Variants in FMN1 observed in about 807,000 individuals in gnomAD.
The protein encoded by FMN1 is formin 1.
A neutral mutation model predicts 132.4 loss-of-function variants in FMN1; 110 were observed. That is an observed-to-expected ratio of 0.83 (90% CI 0.71 to 0.97). FMN1 has a LOEUF of 0.97. Ranked by LOEUF, FMN1 falls within the 50% of genes least tolerant of loss-of-function variation. The probability of loss-of-function intolerance (pLI) is 0.00; values close to 1 mark genes in which losing one functional copy is unlikely to be tolerated. For synonymous variants in FMN1, 722 were observed against 651.7 expected (o/e 1.11, Z -1.64); for missense variants, 1,792 against 1,705.3 (o/e 1.05, Z -0.90).
intron 7 of FMN1, among the ~76,000 whole-genome samples, chr15:33,007,691 G>A (rs2034490709): frequency 6.6e-6 from 1 of 151,760 alleles, no homozygotes; most frequent in Non-Finnish European, 1.5e-5. Context: ...AACTTCCATC[G>A]TACCTAGAAA....
intron 6 of FMN1, among the ~76,000 whole-genome samples, chr15:33,035,547 G>A (rs1197771987): frequency 6.6e-6 from 1 of 152,044 alleles, no homozygotes; most frequent in Non-Finnish European, 1.5e-5. Context: ...CTTTGCACTG[G>A]CTGTTCCCTT....
At chr15:33,097,190 G>A (rs2039117706) in intron 4 of FMN1, among the ~76,000 whole-genome samples, 1 of 151,972 alleles carries the variant, frequency 6.6e-6, no homozygotes, top group Non-Finnish European at 1.5e-5. Context: ...CCAGCTACTT[G>A]GGAGGCTGAG....
chr15:32,865,977 T>G (rs1290483814), intron 16 of FMN1, among the ~76,000 whole-genome samples: 1 of 152,150 alleles, frequency 6.6e-6, no homozygotes, highest in East Asian at 1.9e-4. Context: ...CATTCTTAAT[T>G]GTGGCATACA....
intron 15 of FMN1, among the ~76,000 whole-genome samples, chr15:32,891,093 C>T (rs2060016854): frequency 6.6e-6 from 1 of 152,162 alleles, no homozygotes; most frequent in African/African-American, 2.4e-5. Context: ...TTCCATTGGT[C>T]TATGTGCCTA....
intron 15 of FMN1, among the ~76,000 whole-genome samples, chr15:32,896,716 AC>A (rs2060167355): frequency 6.6e-6 from 1 of 152,122 alleles, no homozygotes. Flanking sequence ...TTCAAGGCTG[AC>A]CCCATGTTGC....
intron 4 of FMN1, among the ~76,000 whole-genome samples, chr15:33,101,160 C>T (rs1374507524): frequency 3.3e-5 from 5 of 152,018 alleles, no homozygotes; most frequent in South Asian, 2.1e-4. Context: ...AAGCCTTAAC[C>T]ACCAAAGGAT....
At chr15:32,907,398 T>G (rs776300461) in intron 12 of FMN1, among the ~76,000 whole-genome samples, 27 of 152,198 alleles carry the variant, frequency 1.8e-4, no homozygotes, top group African/African-American at 3.9e-4. Context: ...ACAATAGGGT[T>G]TGTGCTCCTA....
chr15:32,791,132 G>C (rs910225606), intron 19 of FMN1, among the ~76,000 whole-genome samples: 1 of 152,072 alleles, frequency 6.6e-6, no homozygotes, highest in African/African-American at 2.4e-5. Flanking sequence ...GGTCATAGTA[G>C]GTGCAGGGAG....
At chr15:32,866,911 C>T (rs991298650) in intron 16 of FMN1, among the ~76,000 whole-genome samples, 1 of 152,202 alleles carries the variant, frequency 6.6e-6, no homozygotes, top group African/African-American at 2.4e-5. Flanking sequence ...GTTTCCTATG[C>T]AGCCTCATCT....
intron 6 of FMN1, among the ~76,000 whole-genome samples, chr15:33,028,368 A>G (rs1233857591): frequency 2.6e-5 from 4 of 152,180 alleles, no homozygotes; most frequent in Non-Finnish European, 5.9e-5. Flanking sequence ...CCAAGTTGAT[A>G]AGGCCACAAA....
chr15:33,096,713 C>T (rs2039098732), intron 4 of FMN1, among the ~76,000 whole-genome samples: 1 of 151,944 alleles, frequency 6.6e-6, no homozygotes, highest in African/African-American at 2.4e-5. Flanking sequence ...GACAAGTGAT[C>T]TTCCCACCTC....
chr15:32,827,433 C>G (rs1028598994), intron 17 of FMN1, among the ~76,000 whole-genome samples: 1 of 152,186 alleles, frequency 6.6e-6, no homozygotes, highest in African/African-American at 2.4e-5. Flanking sequence ...TCTTGTCGTT[C>G]TAGATGAAAA....
intron 12 of FMN1, among the ~76,000 whole-genome samples, chr15:32,904,962 C>G (rs2060385957): frequency 6.6e-6 from 1 of 152,164 alleles, no homozygotes; most frequent in African/African-American, 2.4e-5. Flanking sequence ...GGACACTGGG[C>G]CTTGGTACTT....
At chr15:32,926,996 T>C (rs1353885055) in intron 9 of FMN1, among the ~76,000 whole-genome samples, 1 of 152,104 alleles carries the variant, frequency 6.6e-6, no homozygotes, top group African/African-American at 2.4e-5. Context: ...AAAAACTTCA[T>C]TGCCCAGGCT....
At position 33,012,648 on chromosome 15, in the gene FMN1, G is replaced by C. The variant is rs1050649697; in HGVS notation, c.2162-4573C>G. The C allele has an allele frequency of 5.5e-6, 5 of 901,312 alleles. No homozygotes were observed. The Admixed American group carries it at 8.5e-5, about 15-fold the overall frequency. The allele number at this position is 901,312 out of a possible 1,614,324, so 55.8% of individuals were successfully genotyped here. On this transcript the variant is annotated intron_variant, in intron 6 of 20. Transcript: ENST00000616417. Reference sequence around the variant, plus strand: ...CAAATGACCACAACTGTGAAGGTAGGAAAGCCCTGTCAAAGCAAGAGATGG... The same window carrying C: ...CAAATGACCACAACTGTGAAGGTAGCAAAGCCCTGTCAAAGCAAGAGATGG...
intron 5 of FMN1, among the ~76,000 whole-genome samples, chr15:33,076,359 C>T (rs2038208361): frequency 6.6e-6 from 1 of 152,208 alleles, no homozygotes; most frequent in South Asian, 2.1e-4. Flanking sequence ...TCTTCTCATG[C>T]AGTAAAGCGA....
intron 9 of FMN1, among the ~76,000 whole-genome samples, chr15:32,953,077 G>A (rs1264951604): frequency 2.6e-5 from 4 of 152,154 alleles, no homozygotes; most frequent in Non-Finnish European, 4.4e-5. Flanking sequence ...AGCTGGAAGC[G>A]AGCGAGCATG....
intron 19 of FMN1, among the ~76,000 whole-genome samples, chr15:32,784,812 A>G (rs1046238615): frequency 1.3e-5 from 2 of 152,206 alleles, no homozygotes; most frequent in Non-Finnish European, 2.9e-5. Context: ...AGATTGCCTC[A>G]CATTTCATTA....
chr15:32,884,355 C>T (rs2059844354), intron 16 of FMN1, among the ~76,000 whole-genome samples: 1 of 152,262 alleles, frequency 6.6e-6, no homozygotes, highest in East Asian at 1.9e-4. Context: ...CTTCCTCCAT[C>T]TTCAAAGCCA....
Sources: gnomAD v4.1 joint callset for allele counts (sites outside exome capture counted in the v4.1 genomes callset) on GRCh38, gnomAD v4.1.1 for gene constraint, MANE v1.5 for transcripts, NCBI Gene and HGNC (gene_info 2026-07-23, HGNC 2026-07-21) for gene names.